Variants in RINL observed in about 807,000 individuals in gnomAD.
The protein encoded by RINL is ras and Rab interactor-like protein.
Under a neutral mutation model 58.1 loss-of-function variants are expected in RINL, and 39 were observed. The observed-to-expected ratio is 0.67, with a 90% CI of 0.52 to 0.88. The LOEUF (loss-of-function observed/expected upper bound fraction) is 0.88. Among genes scored for constraint, RINL ranks in the 40% least tolerant of loss-of-function variants. The pLI is 0.00. For missense variants in RINL, 711 were observed against 749.2 expected (o/e 0.95, Z 0.60); for synonymous variants, 286 against 323.1 (o/e 0.89, Z 1.23).
In RINL at chr19:38,871,730, G is replaced by A. The variant is rs571238349; in HGVS notation, c.387-19C>T. 11 of 1,614,068 alleles carry A rather than the reference G, an allele frequency of 6.8e-6. No homozygotes were observed. Among genetic ancestry groups the A allele is most frequent in the East Asian group, 2.2e-5 (1 of 44,884 alleles). On this transcript the variant is annotated intron_variant, in intron 5 of 11. Transcript: ENST00000591812. ...AACATCCCTGAGAATAAAGAGGTGG[G>A]AGCCACAGTGTCAGTGGGGTGTCTT...
intron 6 of RINL, 154 bp downstream of exon 6, chr19:38,871,493 C>T: frequency 1.3e-6 from 1 of 741,786 alleles, no homozygotes; most frequent in Non-Finnish European, 2.2e-6. Context: ...CCTCCTCCCT[C>T]TGGGACTACA....
In RINL at chr19:38,870,174, G is replaced by T. The variant is rs1172758815; in HGVS notation, c.1111C>A (p.Pro371Thr). 2.1e-6 allele frequency: 3 copies of T among 1,408,158 alleles called. No individual in the cohort carries two copies. In the African/African-American group the frequency reaches 4.6e-5, roughly 21 times the overall value. 87.2% of individuals were successfully genotyped at this position (1,408,158 alleles called of 1,614,324 possible). Residue 371 changes from proline to threonine, a missense_variant, in exon 9 of 12, where the codon CCG (proline) becomes ACG (threonine). Pro to Thr is a conservative substitution (Grantham distance 38). Transcript: ENST00000591812. The surrounding 1 kb of genome is among the most constrained non-coding windows in gnomAD (Gnocchi z 5.8). The stretch of plus-strand genomic sequence containing the variant: ...CGCCGCCGCAGCCGCCGCAGCTCCG[G>T]TGCTCGGAGTGTGCGGAGTCGTGTC... The part of the protein sequence containing the change: ...LWTRLRTLRA[P>T]ELRRLRRRQT...
intron 1 of RINL, among the ~76,000 whole-genome samples, chr19:38,877,095 A>G (rs79651531): frequency 0.03 from 4,494 of 152,164 alleles, 227 homozygotes; most frequent in African/African-American, 0.1. Flanking sequence ...TGTATTTTTT[A>G]GTAGAGACAA....
rs1222865026 is a variant in RINL, at chr19:38,872,413, G to C, written c.314-543C>G. On this transcript the variant is annotated intron_variant, in intron 4 of 11. Transcript: ENST00000591812. ...AGGCAGGAGAATCACTTGAACTCGG[G>C]AAGTGGAGGTTGAAGTGACCTGAGA... Among the ~76,000 whole-genome samples the C allele has an allele frequency of 4.6e-5, 7 of 152,224 alleles. No homozygotes were observed. The East Asian group carries it at 1.3e-3, about 29-fold the overall frequency.
Position 38,871,230 on chromosome 19 carries a change from G to A in RINL, c.452-3C>T. 1 of 1,613,948 alleles carries A rather than the reference G, an allele frequency of 6.2e-7. No individual in the cohort carries two copies. The highest frequency in any genetic ancestry group is 8.5e-7 in the Non-Finnish European group (1 of 1,180,002). ...GACCCTGCCGATCTGCACAGGATCT[G>A]GAGCCAGCAGAAGTGAGAAGGTGTC... On this transcript the variant is annotated splice_region_variant and splice_polypyrimidine_tract_variant and intron_variant, in intron 6 of 11. Transcript: ENST00000591812.
intron 1 of RINL, 84 bp from the exon 2 acceptor site, chr19:38,876,865 C>G: frequency 3.9e-6 from 3 of 776,446 alleles, no homozygotes; most frequent in Admixed American, 4.3e-5. Context: ...GGCAGAGACC[C>G]TGACCAATCA....
At chr19:38,874,039 G>C in intron 3 of RINL, 51 bp from the exon 4 acceptor site, 3 of 1,164,652 alleles carry the variant, frequency 2.6e-6, no homozygotes, top group Non-Finnish European at 3.7e-6. Context: ...GCAGATGTCT[G>C]TTGCTTTTGC....
In RINL at chr19:38,869,340, G is replaced by A. The variant is rs111307366; in HGVS notation, c.1545C>T (p.Arg515=). ...HIAHYQPETD[R]APRGLSSEAR... ...CCTCGGAGCTGAGCCCCCGGGGAGC[G>A]CGGTCTGTTTCGGGCTGGTAGTGGG... The change falls in exon 11 of 12, where the codon CGC becomes CGT. Residue 515 remains arginine (R), a synonymous_variant. Transcript: ENST00000591812. This position sits in a 1 kb window ranked among gnomAD's most constrained non-coding sequence, Gnocchi z 5.7. 59 of 1,613,874 alleles carry A rather than the reference G, an allele frequency of 3.7e-5. No individual in the cohort carries two copies. In the African/African-American group the frequency reaches 4.0e-4, roughly 11 times the overall value.
chr19:38,868,922 T>A lies in RINL; in HGVS notation c.*182A>T. On this transcript the variant is annotated 3_prime_UTR_variant, in exon 12 of 12. Transcript: ENST00000591812. ...GTCTAAAACTGCAAAGCCTCCTGAG[T>A]AGCTGGTACCACAGGAGTACGCCAC... is the stretch of plus-strand genomic sequence containing the variant. The A allele has an allele frequency of 1.8e-6, 1 of 566,872 alleles. No homozygotes were observed. Among genetic ancestry groups the A allele is most frequent in the East Asian group, 2.9e-5 (1 of 34,844 alleles). 35.1% of individuals were successfully genotyped at this position (566,872 alleles called of 1,614,324 possible). A position where few individuals can be genotyped will look rare whatever the true frequency, so the allele number is the denominator to read the frequency against.
chr19:38,870,037 G>GTGCGCAAGGCGCTCGTGGATGCGGC lies in RINL; in HGVS notation c.1223_1247dup (p.His416GlnfsTer80). The GTGCGCAAGGCGCTCGTGGATGCGGC allele has an allele frequency of 6.4e-7, 1 of 1,558,712 alleles. No homozygotes were observed. The highest frequency in any genetic ancestry group is 8.7e-7 in the Non-Finnish European group (1 of 1,155,982). ...GGCGCGGGGCGCAGGCAGCGTGGAG[G>GTGCGCAAGGCGCTCGTGGATGCGGC]TGCGCAAGGCGCTCGTGGATGCGGC... On this transcript the variant is annotated frameshift_variant, in exon 9 of 12. Coordinates refer to ENST00000591812, the MANE Select transcript of RINL (RefSeq NM_001195833.2). LOFTEE classifies it high-confidence loss of function. The surrounding 1 kb of genome is among the most constrained non-coding windows in gnomAD (Gnocchi z 5.8).
intron 3 of RINL, among the ~76,000 whole-genome samples, chr19:38,874,738 G>A (rs988182695): frequency 1.3e-5 from 2 of 152,282 alleles, no homozygotes; most frequent in African/African-American, 2.4e-5. Context: ...CCTTGTTCAC[G>A]GCATTAATAT....
At chr19:38,872,020 C>T in intron 4 of RINL, 150 bp from the exon 5 acceptor site, 1 of 657,646 alleles carries the variant, frequency 1.5e-6, no homozygotes, top group Non-Finnish European at 2.7e-6. Context: ...TCCATCTTTA[C>T]TCTTGTGTAC....
At chr19:38,878,173 T>A (rs921095855) in intron 1 of RINL, 59 bp downstream of exon 1, 2 of 150,458 alleles carry the variant, frequency 1.3e-5, no homozygotes, top group Non-Finnish European at 2.9e-5. Flanking sequence ...AGCTGCCTCA[T>A]ACCAAAGGGA....
rs760708601 is a variant in RINL at position 38,876,743 on chromosome 19, C to T, written c.-1G>A. ...GTGCCTTGTCTTCTGGCTGGGCCATCGTCAGGTTGCAGGAAGCCAGTGAGT... is the reference window on the plus strand; with the variant it reads ...GTGCCTTGTCTTCTGGCTGGGCCATTGTCAGGTTGCAGGAAGCCAGTGAGT... On this transcript the variant is annotated 5_prime_UTR_variant, in exon 2 of 12. Transcript: ENST00000591812. 4.9e-5 allele frequency: 75 copies of T among 1,535,924 alleles called. 1 individual carries two copies. The highest frequency in any genetic ancestry group is 4.4e-4 in the South Asian group (37 of 84,064).
intron 1 of RINL, among the ~76,000 whole-genome samples, chr19:38,877,728 A>G (rs959195389): frequency 5.3e-5 from 8 of 152,200 alleles, no homozygotes; most frequent in South Asian, 4.2e-4. Flanking sequence ...TTAGGGTGGC[A>G]CTTATCCCAG....
chr19:38,868,624 C>T lies in RINL; in HGVS notation c.*480G>A, dbSNP rs1001308810. The T allele has an allele frequency of 6.5e-6, 1 of 153,352 alleles. No homozygotes were observed. The highest frequency in any genetic ancestry group is 1.5e-5 in the Non-Finnish European group (1 of 68,890). The allele number at this position is 153,352 out of a possible 1,614,324, so 9.5% of individuals were successfully genotyped here. On this transcript the variant is annotated 3_prime_UTR_variant, in exon 12 of 12. Transcript: ENST00000591812. The stretch of plus-strand genomic sequence containing the variant: ...CTCCAGCCTGGGCAACAGACAGAGA[C>T]GTTCTTTCAAAACAAAACAAAACCC...
chr19:38,870,451 G>T lies in RINL; in HGVS notation c.1024+119C>A. On this transcript the variant is annotated intron_variant, in intron 8 of 11. Coordinates refer to ENST00000591812, the MANE Select transcript of RINL (RefSeq NM_001195833.2). The surrounding 1 kb of genome is among the most constrained non-coding windows in gnomAD (Gnocchi z 5.8). ...AACTTGCGCGCATACGTGGGCGATAGAACGCGTGGGATGTGTAGGAAGGGC... is the reference window on the plus strand; with the variant it reads ...AACTTGCGCGCATACGTGGGCGATATAACGCGTGGGATGTGTAGGAAGGGC... 1.6e-6 allele frequency: 2 copies of T among 1,240,184 alleles called. No homozygotes were observed. Among genetic ancestry groups the T allele is most frequent in the Non-Finnish European group, 1.1e-6 (1 of 919,410 alleles). The allele number at this position is 1,240,184 out of a possible 1,614,324, so 76.8% of individuals were successfully genotyped here.
At chr19:38,875,971 C>T (rs1972915123) in intron 3 of RINL, among the ~76,000 whole-genome samples, 1 of 152,148 alleles carries the variant, frequency 6.6e-6, no homozygotes, top group Non-Finnish European at 1.5e-5. Context: ...TCCAAAATTC[C>T]CCGCAGTTGA....
At chr19:38,876,117 TG>T (rs1972918611) in intron 3 of RINL, among the ~76,000 whole-genome samples, 1 of 150,754 alleles carries the variant, frequency 6.6e-6, no homozygotes, top group Non-Finnish European at 1.5e-5. Context: ...TCAAGTGAAG[TG>T]GCATGATCTC....
Sources: allele counts gnomAD v4.1 joint callset (sites outside exome capture counted in the v4.1 genomes callset), GRCh38; gene constraint gnomAD v4.1.1; non-coding constraint Gnocchi (gnomAD v3.1); transcripts MANE v1.5; gene names NCBI Gene and HGNC (gene_info 2026-07-23, HGNC 2026-07-21).